NLRP9: variants seen among roughly 807,000 people sequenced by gnomAD.
NLRP9 encodes the protein NACHT, LRR and PYD domains-containing protein 9.
Under a neutral mutation model 83.1 loss-of-function variants are expected in NLRP9, and 88 were observed. The ratio of observed to expected loss-of-function variants is 1.06; its 90% CI spans 0.89 to 1.26. The LOEUF is 1.26. Among genes scored for constraint, NLRP9 ranks in the 50% most tolerant of loss-of-function variants. The probability of loss-of-function intolerance (pLI) is 0.00; values close to 1 mark genes in which losing one functional copy is unlikely to be tolerated. For missense variants in NLRP9, 1,308 were observed against 1,179.3 expected, an observed-to-expected ratio of 1.11 and a Z score of -1.60; for synonymous variants, 521 against 447.6, an observed-to-expected ratio of 1.16 and a Z score of -2.07.
intron 6 of NLRP9, among the ~76,000 whole-genome samples, 173 bp downstream of exon 6, chr19:55,714,882 C>T (rs2122288788): frequency 6.6e-6 from 1 of 152,224 alleles, no homozygotes; most frequent in Non-Finnish European, 1.5e-5. Flanking sequence ...CTCATCACCT[C>T]CCAGAGGATC....
chr19:55,712,685 C>A (rs540651713), intron 6 of NLRP9, 95 bp from the exon 7 acceptor site: 2 of 1,063,256 alleles, frequency 1.9e-6, no homozygotes, highest in South Asian at 2.9e-5. Context: ...CAAGAAATAC[C>A]CAAGTAAATC....
chr19:55,734,526 C>CACATATATATATATAT (rs962062094), intron 1 of NLRP9, among the ~76,000 whole-genome samples: 4 of 107,826 alleles, frequency 3.7e-5, no homozygotes, highest in African/African-American at 1.3e-4. Context: ...TACACACACA[C>CACATATATATATATAT]ATATATATAT....
Position 55,708,938 on chromosome 19 carries a change from A to G in NLRP9, c.2950T>C (p.Tyr984His), listed in dbSNP as rs200069669. Residue 984 changes from tyrosine to histidine, a missense_variant, in exon 9 of 9, where the codon TAC (tyrosine) becomes CAC (histidine). Physicochemically the swap from Tyr to His is moderately conservative, Grantham distance 83 (BLOSUM62 2). Transcript: ENST00000332836. ...CAGAGGAGCACACCCCTGATCTTGT[A>G]TTCCTCGTCAATCCAAGGTCCATGT... is the stretch of plus-strand genomic sequence containing the variant. The part of the protein sequence containing the change: ...ISHGPWIDEE[Y>H]KIRGVLL 5 of 1,568,628 alleles carry G rather than the reference A, an allele frequency of 3.2e-6. No homozygotes were observed. In the Admixed American group the frequency reaches 9.9e-5, roughly 31 times the overall value.
intron 2 of NLRP9, 24 bp downstream of exon 2, chr19:55,731,975 C>A: frequency 1.4e-6 from 2 of 1,434,222 alleles, no homozygotes. Flanking sequence ...GTGTGTGGGA[C>A]GGGGGATTAA....
intron 3 of NLRP9, among the ~76,000 whole-genome samples, chr19:55,727,078 C>T (rs907383548): frequency 3.3e-5 from 5 of 152,006 alleles, no homozygotes; most frequent in African/African-American, 1.2e-4. Context: ...CATAGTGAAA[C>T]CCCATCTCTA....
intron 3 of NLRP9, among the ~76,000 whole-genome samples, chr19:55,724,807 C>T (rs942485158): frequency 9.2e-5 from 14 of 152,086 alleles, no homozygotes; most frequent in African/African-American, 3.4e-4. Flanking sequence ...TGACTCACAC[C>T]TGTAATTTGG....
chr19:55,714,143 C>A (rs1987916953), intron 6 of NLRP9, among the ~76,000 whole-genome samples: 1 of 151,892 alleles, frequency 6.6e-6, no homozygotes, highest in South Asian at 2.1e-4. Context: ...CACCTAGAAG[C>A]ATCTTCAGTT....
intron 4 of NLRP9, among the ~76,000 whole-genome samples, chr19:55,718,379 G>T (rs575257613): frequency 1.3e-5 from 2 of 152,186 alleles, no homozygotes; most frequent in African/African-American, 4.8e-5. Flanking sequence ...TAAGAGGAAG[G>T]CTTCTGTCTC....
At chr19:55,709,321 T>C (rs1022019647) in intron 8 of NLRP9, 12 of 206,886 alleles carry the variant, frequency 5.8e-5, no homozygotes, top group African/African-American at 2.5e-4. Context: ...CAGGATAACT[T>C]CCATTCATCT....
At chr19:55,717,665 G>A (rs928488339) in intron 4 of NLRP9, among the ~76,000 whole-genome samples, 16 of 152,128 alleles carry the variant, frequency 1.1e-4, no homozygotes, top group South Asian at 2.1e-4. Context: ...CACACTCAGC[G>A]CAACACGCTT....
rs776124300 is a variant in NLRP9, at chr19:55,732,868, G to T, written c.963C>A (p.Phe321Leu). 1.2e-6 allele frequency: 2 copies of T among 1,614,092 alleles called. No homozygotes were observed. The highest frequency in any genetic ancestry group is 1.7e-6 in the Non-Finnish European group (2 of 1,180,028). The change falls in exon 2 of 9, where the codon TTC (phenylalanine) becomes TTA (leucine). Residue 321 changes from phenylalanine to leucine, a missense_variant. Physicochemically the swap from Phe to Leu is conservative, Grantham distance 22. Coordinates refer to ENST00000332836, the MANE Select transcript of NLRP9 (RefSeq NM_176820.4). The part of the protein sequence containing the change: ...FGEKSKALKV[F>L]NFVRDNGPLF... ...GCGGCCCATTATCTCTCACAAAATT[G>T]AAGACTTTCAGGGCTTTGCTCTTCT... is the stretch of plus-strand genomic sequence containing the variant.
chr19:55,735,013 A>G (rs560394020), intron 1 of NLRP9, among the ~76,000 whole-genome samples: 1 of 152,314 alleles, frequency 6.6e-6, no homozygotes, highest in South Asian at 2.1e-4. Context: ...AATCCTGTTC[A>G]TAATCTGAGT....
chr19:55,710,816 T>C lies in NLRP9; in HGVS notation c.2843+984A>G, dbSNP rs1987680721. On this transcript the variant is annotated intron_variant, in intron 8 of 8. Coordinates refer to ENST00000332836, the MANE Select transcript of NLRP9 (RefSeq NM_176820.4). ...AGTTACCAGTCTCTGCCAGGCATGG[T>C]GGCTCACGCTTGTAATCCCAGCTCT... Among the ~76,000 whole-genome samples the C allele has an allele frequency of 1.3e-5, 2 of 152,200 alleles. 1 individual carries two copies. The highest frequency in any genetic ancestry group is 1.3e-4 in the Admixed American group (2 of 15,266).
intron 1 of NLRP9, among the ~76,000 whole-genome samples, chr19:55,735,466 A>T (rs1600144329): frequency 6.6e-6 from 1 of 152,062 alleles, no homozygotes; most frequent in South Asian, 2.1e-4. Context: ...AGAGAAAGGA[A>T]ATAAGGCCAT....
chr19:55,718,455 G>C (rs914958153), intron 4 of NLRP9, among the ~76,000 whole-genome samples: 1 of 152,218 alleles, frequency 6.6e-6, no homozygotes, highest in Non-Finnish European at 1.5e-5. Flanking sequence ...TCCATTCTGA[G>C]ATAGGAGAAA....
intron 7 of NLRP9, 34 bp downstream of exon 7, chr19:55,712,386 A>C (rs1987769415): frequency 1.9e-6 from 3 of 1,572,406 alleles, no homozygotes; most frequent in Non-Finnish European, 2.6e-6. Context: ...GAAATAGATA[A>C]ATTTTCCTAC....
At chr19:55,716,097 G>A (rs919149514) in intron 5 of NLRP9, among the ~76,000 whole-genome samples, 7 of 152,064 alleles carry the variant, frequency 4.6e-5, no homozygotes, top group South Asian at 2.1e-4. Context: ...ACAATGTACC[G>A]TATACTTCGC....
chr19:55,710,512 A>T (rs11665772), intron 8 of NLRP9, among the ~76,000 whole-genome samples: 20,958 of 152,070 alleles, frequency 0.14, 1,590 homozygotes, highest in Middle Eastern at 0.2. Context: ...GCCTGGTGGG[A>T]GGTGACTGGA....
Position 55,725,914 on chromosome 19 carries a change from TA to T in NLRP9, c.1995-1771del, listed in dbSNP as rs570821130. ...GGTGGCGGGCACCTGTAGTCCCAGC[TA>T]CTGGGGAGGCTGAGGCAGGAGAATT... On this transcript the variant is annotated intron_variant, in intron 3 of 8. Coordinates refer to ENST00000332836, the MANE Select transcript of NLRP9 (RefSeq NM_176820.4). Among the ~76,000 whole-genome samples, 1,168 of 151,794 alleles carry T rather than the reference TA, an allele frequency of 7.7e-3. 7 individuals are homozygous for T. Among genetic ancestry groups the T allele is most frequent in the Non-Finnish European group, 0.012 (786 of 67,932 alleles).
Sources: gnomAD v4.1 joint callset for allele counts (sites outside exome capture counted in the v4.1 genomes callset) on GRCh38, gnomAD v4.1.1 for gene constraint, MANE v1.5 for transcripts, NCBI Gene and HGNC (gene_info 2026-07-23, HGNC 2026-07-21) for gene names.